The following NAT10 variants were observed in gnomAD, a reference collection of about 807,000 sequenced individuals.
NAT10 encodes N-acetyltransferase 10.
Under a neutral mutation model 132.2 loss-of-function variants are expected in NAT10, and 109 were observed. That is an observed-to-expected ratio of 0.82 (90% confidence interval 0.71 to 0.97). NAT10 has a LOEUF of 0.97. NAT10 is among the 50% of genes least tolerant of loss of function. The probability of loss-of-function intolerance (pLI) is 0.00; values close to 1 mark genes in which losing one functional copy is unlikely to be tolerated. For synonymous variants in NAT10, 479 were observed against 478.0 expected, an observed-to-expected ratio of 1.00 and a Z score of -0.03; for missense variants, 1,184 against 1,263.4, an observed-to-expected ratio of 0.94 and a Z score of 0.95.
chr11:34,141,408 T>TCACACACACACACACACACACACACA (rs59489457), intron 25 of NAT10, among the ~76,000 whole-genome samples, 200 bp downstream of exon 25: 5 of 132,958 alleles, frequency 3.8e-5, no homozygotes, highest in African/African-American at 1.1e-4. Flanking sequence ...TCATCACACA[T>TCACACACACACACACACACACACACA]CACACACACA....
At chr11:34,137,101 GC>G in intron 21 of NAT10, 75 bp downstream of exon 21, 1 of 1,495,446 alleles carries the variant, frequency 6.7e-7, no homozygotes, top group Non-Finnish European at 9.3e-7. Flanking sequence ...CTTGCAAAGA[GC>G]CCTAGTGCCT....
At chr11:34,114,081 A>G (rs1851745135) in intron 5 of NAT10, among the ~76,000 whole-genome samples, 1 of 152,194 alleles carries the variant, frequency 6.6e-6, no homozygotes, top group African/African-American at 2.4e-5. Flanking sequence ...ATTCTACACC[A>G]GTGAGATTCA....
intron 12 of NAT10, among the ~76,000 whole-genome samples, chr11:34,129,466 C>G (rs551190191): frequency 1.3e-5 from 2 of 152,112 alleles, no homozygotes; most frequent in East Asian, 3.9e-4. Context: ...GTTCATCTCT[C>G]CAATTGGGTT....
chr11:34,109,778 T>C (rs1021207253), intron 3 of NAT10, among the ~76,000 whole-genome samples: 1 of 152,220 alleles, frequency 6.6e-6, no homozygotes, highest in South Asian at 2.1e-4. Flanking sequence ...GTACTAATGC[T>C]CCCAGCTCAG....
chr11:34,116,336 TCTG>T, intron 6 of NAT10, among the ~76,000 whole-genome samples: 1 of 152,342 alleles, frequency 6.6e-6, no homozygotes, highest in South Asian at 2.1e-4. Flanking sequence ...AAGTGTTTCT[TCTG>T]AGCAAAGGAA....
At chr11:34,110,064 CT>C (rs1457350188) in intron 3 of NAT10, among the ~76,000 whole-genome samples, 2 of 152,110 alleles carry the variant, frequency 1.3e-5, no homozygotes, top group African/African-American at 4.8e-5. Context: ...AGTGCTGTTC[CT>C]TGGCAGATAA....
intron 9 of NAT10, 91 bp downstream of exon 9, chr11:34,122,683 C>T (rs2132951097): frequency 6.6e-7 from 1 of 1,523,572 alleles, no homozygotes; most frequent in African/African-American, 1.4e-5. Context: ...ATCTCACGTT[C>T]CTAGTTCTGA....
intron 3 of NAT10, 63 bp from the exon 4 acceptor site, chr11:34,111,989 G>C: frequency 1.3e-6 from 2 of 1,589,960 alleles, no homozygotes; most frequent in Non-Finnish European, 1.7e-6. Flanking sequence ...CTTTCCCCTG[G>C]TTCCAGCTCT....
chr11:34,110,280 G>T (rs920717215), intron 3 of NAT10, among the ~76,000 whole-genome samples: 15 of 151,860 alleles, frequency 9.9e-5, no homozygotes, highest in African/African-American at 3.6e-4. Flanking sequence ...TCCAGCTCTG[G>T]TTGCTTTATG....
intron 12 of NAT10, among the ~76,000 whole-genome samples, chr11:34,127,893 G>T (rs1852026218): frequency 6.6e-6 from 1 of 152,098 alleles, no homozygotes; most frequent in South Asian, 2.1e-4. Context: ...AAAAATACAT[G>T]GATGGTGATA....
At chr11:34,136,614 CTG>C (rs768009285) in intron 19 of NAT10, 26 bp from the exon 20 acceptor site, 10 of 1,614,006 alleles carry the variant, frequency 6.2e-6, no homozygotes, top group South Asian at 1.1e-5. Flanking sequence ...GCTGAATGGA[CTG>C]TGTTCTCTCC....
At chr11:34,127,112 T>G (rs1192942329) in intron 11 of NAT10, among the ~76,000 whole-genome samples, 2 of 152,202 alleles carry the variant, frequency 1.3e-5, no homozygotes, top group East Asian at 3.9e-4. Context: ...CTCTCAGCAC[T>G]GTGAGTCAGG....
rs895746301 is a variant in NAT10 at position 34,141,818 on chromosome 11, G to A, written c.2811+1G>A. 7 of 1,613,084 alleles carry A rather than the reference G, an allele frequency of 4.3e-6. No homozygotes were observed. Among genetic ancestry groups the A allele is most frequent in the Non-Finnish European group, 5.9e-6 (7 of 1,179,652 alleles). ...GATGAAGACCCTCAGTGACGACCTA[G>A]TATGTCCCTGCTCATGGCCTCGGGA... On this transcript the variant is annotated splice_donor_variant, in intron 26 of 28. Transcript: ENST00000257829. LOFTEE classifies it high-confidence loss of function.
chr11:34,115,012 C>A (rs1186968827), intron 5 of NAT10, among the ~76,000 whole-genome samples: 1 of 152,060 alleles, frequency 6.6e-6, no homozygotes, highest in Non-Finnish European at 1.5e-5. Flanking sequence ...AAAAATTAAC[C>A]AGGTGTGGTG....
At chr11:34,111,921 G>A (rs1851700560) in intron 3 of NAT10, 131 bp from the exon 4 acceptor site, 1 of 1,013,388 alleles carries the variant, frequency 9.9e-7, no homozygotes, top group Non-Finnish European at 1.5e-6. Flanking sequence ...CCTGAAGTGG[G>A]CCTCACACTT....
In NAT10 at chr11:34,130,912, C is replaced by T; in HGVS notation, c.1344C>T (p.Thr448=). ...SQVSTTAENK[T]TTTARLASAR... ...TCAGCACCACTGCTGAGAATAAGAC[C>T]ACGACGACAGCCAGATTGGCATCAG... is the stretch of plus-strand genomic sequence containing the variant. Residue 448 remains threonine (T), a synonymous_variant, in exon 13 of 29, where the codon ACC becomes ACT. Coordinates refer to ENST00000257829, the MANE Select transcript of NAT10 (RefSeq NM_024662.3). 1 of 1,614,048 alleles carries T rather than the reference C, an allele frequency of 6.2e-7. No homozygotes were observed. The highest frequency in any genetic ancestry group is 1.3e-5 in the African/African-American group (1 of 75,042).
chr11:34,132,039 C>G (rs1379692184), intron 14 of NAT10, 86 bp from the exon 15 acceptor site: 1 of 978,994 alleles, frequency 1.0e-6, no homozygotes, highest in Non-Finnish European at 1.6e-6. Flanking sequence ...CTGTTCCCAG[C>G]TACGGAAATT....
chr11:34,136,998 T>G lies in NAT10; in HGVS notation c.2183T>G (p.Phe728Cys). The G allele has an allele frequency of 6.2e-7, 1 of 1,614,210 alleles. No individual in the cohort carries two copies. The highest frequency in any genetic ancestry group is 8.5e-7 in the Non-Finnish European group (1 of 1,180,044). ...TGCAGGTTCTGGAAACGAGCTGGAT[T>G]TGTTCCTGTTTATCTGAGACAGACC... Reference protein sequence around the residue: ...RLLKFWKRAGFVPVYLRQTPN... With the variant: ...RLLKFWKRAGCVPVYLRQTPN... The change falls in exon 21 of 29, where the codon TTT (phenylalanine) becomes TGT (cysteine). Residue 728 changes from phenylalanine (F) to cysteine (C), a missense_variant. Coordinates refer to ENST00000257829, the MANE Select transcript of NAT10 (RefSeq NM_024662.3).
intron 12 of NAT10, among the ~76,000 whole-genome samples, chr11:34,128,826 T>G (rs1302326488): frequency 1.3e-5 from 2 of 152,196 alleles, no homozygotes; most frequent in East Asian, 3.8e-4. Flanking sequence ...AGCCTGTGCA[T>G]CCTCCTCCAG....
Sources: gnomAD v4.1 joint callset for allele counts (sites outside exome capture counted in the v4.1 genomes callset) on GRCh38, gnomAD v4.1.1 for gene constraint, MANE v1.5 for transcripts, NCBI Gene and HGNC (gene_info 2026-07-23, HGNC 2026-07-21) for gene names.